SDK1: variants seen among roughly 807,000 people sequenced by gnomAD.
SDK1 encodes sidekick cell adhesion molecule 1.
Under a neutral mutation model 245.5 loss-of-function variants are expected in SDK1, and 157 were observed. The observed-to-expected ratio is 0.64, with a 90% CI of 0.56 to 0.73. The LOEUF is 0.73. SDK1 is among the 30% of genes least tolerant of loss of function. The pLI, the probability that SDK1 is intolerant of heterozygous loss-of-function variation, is 0.00. For missense variants in SDK1, 3,583 were observed against 3,002.3 expected (o/e 1.19, Z -4.52); for synonymous variants, 1,647 against 1,278.5 (o/e 1.29, Z -6.15).
Position 3,576,216 on chromosome 7 carries a change from C to T in SDK1, c.299-42864C>T, listed in dbSNP as rs914979600. Among the ~76,000 whole-genome samples the T allele has an allele frequency of 3.3e-5, 5 of 152,116 alleles. No individual in the cohort carries two copies. The South Asian group carries it at 1.0e-3, about 32-fold the overall frequency. On this transcript the variant is annotated intron_variant, in intron 1 of 44. Coordinates refer to ENST00000404826, the MANE Select transcript of SDK1 (RefSeq NM_152744.4). Reference sequence around the variant, plus strand: ...ATAATGTAGAATAATAATGCTGTGCCATTCAGACTTCTCTTTTATGCTCAT... The same window carrying T: ...ATAATGTAGAATAATAATGCTGTGCTATTCAGACTTCTCTTTTATGCTCAT...
chr7:3,690,147 A>G (rs1043735632), intron 4 of SDK1, among the ~76,000 whole-genome samples: 2 of 152,182 alleles, frequency 1.3e-5, no homozygotes, highest in Admixed American at 1.3e-4. Context: ...CTGGAATGGA[A>G]GCTGGGACTA....
At chr7:3,418,021 A>C (rs1008417258) in intron 1 of SDK1, among the ~76,000 whole-genome samples, 2 of 152,004 alleles carry the variant, frequency 1.3e-5, no homozygotes, top group South Asian at 4.2e-4. Flanking sequence ...GAGTTTTACT[A>C]ACTCAGTAGA....
intron 1 of SDK1, among the ~76,000 whole-genome samples, chr7:3,427,601 A>G (rs1779713520): frequency 6.6e-6 from 1 of 151,402 alleles, no homozygotes; most frequent in South Asian, 2.1e-4. Context: ...TGTCTTCTTC[A>G]TCTTGTCATA....
At chr7:4,014,094 A>G (rs1786199572) in intron 16 of SDK1, among the ~76,000 whole-genome samples, 1 of 152,226 alleles carries the variant, frequency 6.6e-6, no homozygotes, top group Non-Finnish European at 1.5e-5. Flanking sequence ...CTCTGTACCC[A>G]GCAGCACAGG....
chr7:3,593,348 G>GC (rs888802500), intron 1 of SDK1, among the ~76,000 whole-genome samples: 4 of 152,090 alleles, frequency 2.6e-5, no homozygotes, highest in Non-Finnish European at 5.9e-5. Flanking sequence ...CAAATCTCCT[G>GC]CCCCCAGGTC....
intron 4 of SDK1, among the ~76,000 whole-genome samples, chr7:3,791,135 A>T (rs543535249): frequency 3.3e-4 from 50 of 152,144 alleles, no homozygotes; most frequent in Admixed American, 1.4e-3. Flanking sequence ...GTATGTAGTA[A>T]ATATTACATA....
chr7:3,873,058 T>C (rs1233610913), intron 5 of SDK1, among the ~76,000 whole-genome samples: 2 of 152,194 alleles, frequency 1.3e-5, no homozygotes, highest in African/African-American at 4.8e-5. Context: ...TTCGTATTTA[T>C]CCCAGTCTCT....
chr7:3,998,644 C>G (rs553087070), intron 14 of SDK1, among the ~76,000 whole-genome samples: 1 of 152,146 alleles, frequency 6.6e-6, no homozygotes, highest in African/African-American at 2.4e-5. Flanking sequence ...TCTAGGTTCC[C>G]CAGCCTCAAA....
chr7:3,784,802 C>G (rs562473414), intron 4 of SDK1, among the ~76,000 whole-genome samples: 1 of 151,892 alleles, frequency 6.6e-6, no homozygotes, highest in Non-Finnish European at 1.5e-5. Flanking sequence ...GGAGATTCCT[C>G]AAAAAAAATG....
intron 4 of SDK1, among the ~76,000 whole-genome samples, chr7:3,691,280 A>G (rs1425613209): frequency 2.0e-5 from 3 of 152,232 alleles, no homozygotes; most frequent in African/African-American, 7.2e-5. Flanking sequence ...AAAAAATGCC[A>G]TAGAATGAAA....
chr7:3,807,121 C>T (rs1294486103), intron 4 of SDK1, among the ~76,000 whole-genome samples: 1 of 152,060 alleles, frequency 6.6e-6, no homozygotes, highest in Non-Finnish European at 1.5e-5. Flanking sequence ...AAGTTCTTAC[C>T]TTTTGAGAAA....
intron 5 of SDK1, among the ~76,000 whole-genome samples, chr7:3,839,465 G>C (rs1381839225): frequency 6.6e-6 from 1 of 152,126 alleles, no homozygotes; most frequent in Non-Finnish European, 1.5e-5. Context: ...GTGACGATGG[G>C]CATAACAGAA....
rs10233053 is a variant in SDK1 at position 3,725,494 on chromosome 7, G to C, written c.713+83389G>C. On this transcript the variant is annotated intron_variant, in intron 4 of 44. Transcript: ENST00000404826. Reference sequence around the variant, plus strand: ...TCTATTCATAGTTACACAAGAAACTGTGATGAGATCCCCTTAAGAGAATAT... The same window carrying C: ...TCTATTCATAGTTACACAAGAAACTCTGATGAGATCCCCTTAAGAGAATAT... 6.2e-3 allele frequency among the ~76,000 whole-genome samples: 936 copies of C among 152,002 alleles called. 10 individuals carry two copies. The highest frequency in any genetic ancestry group is 0.022 in the African/African-American group (901 of 41,262).
chr7:4,051,613 T>C (rs1335979035), intron 18 of SDK1, 25 bp from the exon 19 acceptor site: 3 of 1,592,276 alleles, frequency 1.9e-6, no homozygotes, highest in East Asian at 2.3e-5. Context: ...AAACAGGCTG[T>C]CTTTTTCACC....
intron 4 of SDK1, among the ~76,000 whole-genome samples, chr7:3,752,263 C>G (rs1326340077): frequency 6.6e-6 from 1 of 152,114 alleles, no homozygotes; most frequent in African/African-American, 2.4e-5. Flanking sequence ...TTATTTGTAT[C>G]TTAATGCATG....
intron 5 of SDK1, among the ~76,000 whole-genome samples, chr7:3,906,382 A>G (rs940316649): frequency 2.7e-5 from 4 of 150,162 alleles, no homozygotes; most frequent in East Asian, 1.9e-4. Flanking sequence ...CTGTATGCGT[A>G]TGTGTGTGTG....
At chr7:3,520,153 C>G (rs951528728) in intron 1 of SDK1, among the ~76,000 whole-genome samples, 1 of 152,156 alleles carries the variant, frequency 6.6e-6, no homozygotes, top group Non-Finnish European at 1.5e-5. Context: ...CTCTGGAGCC[C>G]TTCCTCTGGG....
At chr7:4,146,938 G>A (rs1361668110) in intron 29 of SDK1, among the ~76,000 whole-genome samples, 2 of 152,152 alleles carry the variant, frequency 1.3e-5, no homozygotes, top group Non-Finnish European at 2.9e-5. Context: ...CTGACACCAC[G>A]AGGCCGACTC....
At chr7:3,621,090 G>C (rs1781924213) in intron 2 of SDK1, among the ~76,000 whole-genome samples, 1 of 152,138 alleles carries the variant, frequency 6.6e-6, no homozygotes, top group African/African-American at 2.4e-5. Flanking sequence ...AAATGGGAAA[G>C]ATCCCTCCTC....
Sources: allele counts gnomAD v4.1 joint callset (sites outside exome capture counted in the v4.1 genomes callset), GRCh38; gene constraint gnomAD v4.1.1; transcripts MANE v1.5; gene names NCBI Gene and HGNC (gene_info 2026-07-23, HGNC 2026-07-21).